Variants in API5 observed in about 807,000 individuals in gnomAD.
API5 encodes the protein FIF.
In API5, 6 loss-of-function variants were observed where a neutral mutation model predicts 71.9. The observed-to-expected ratio is 0.08, with a 90% CI of 0.05 to 0.16. The LOEUF (loss-of-function observed/expected upper bound fraction) is 0.16, where lower values mean the gene tolerates loss of function less well. API5 is among the 10% of genes least tolerant of loss of function. API5 has a pLI of 1.00. For synonymous variants in API5, 189 were observed against 221.3 expected (o/e 0.85, Z 1.30); for missense variants, 332 against 612.8 (o/e 0.54, Z 4.84).
At chr11:43,338,923 C>T (rs1272716986) in intron 13 of API5, among the ~76,000 whole-genome samples, 1 of 152,056 alleles carries the variant, frequency 6.6e-6, no homozygotes, top group Non-Finnish European at 1.5e-5. Context: ...TCTAAACAGT[C>T]AAAAATGCAG....
chr11:43,342,012 G>A (rs553674883), intron 13 of API5, among the ~76,000 whole-genome samples: 4 of 152,154 alleles, frequency 2.6e-5, no homozygotes, highest in Non-Finnish European at 4.4e-5. Context: ...AAACATGGTG[G>A]TGTGCATCTG....
At chr11:43,320,413 T>C (rs1453737772) in intron 2 of API5, among the ~76,000 whole-genome samples, 2 of 152,044 alleles carry the variant, frequency 1.3e-5, no homozygotes, top group Non-Finnish European at 1.5e-5. Flanking sequence ...CGTATGCCCC[T>C]AATGATGGCT....
At chr11:43,342,049 G>A (rs1202026738) in intron 13 of API5, among the ~76,000 whole-genome samples, 1 of 151,936 alleles carries the variant, frequency 6.6e-6, no homozygotes, top group Non-Finnish European at 1.5e-5. Context: ...GGAGTCTGAG[G>A]CAGAAAGATC....
Position 43,344,028 on chromosome 11 carries a change from C to T in API5, c.*1518C>T, listed in dbSNP as rs1337213820. The stretch of plus-strand genomic sequence containing the variant: ...ATACAAGTGAGCAAAAGTTGGTCAG[C>T]TTGGCTATGGAGTGGTGGCAATAAT... On this transcript the variant is annotated 3_prime_UTR_variant, in exon 14 of 14. Transcript: ENST00000531273. 2 of 152,572 alleles carry T rather than the reference C, an allele frequency of 1.3e-5. No homozygotes were observed. The highest frequency in any genetic ancestry group is 4.8e-5 in the African/African-American group (2 of 41,438). The allele number at this position is 152,572 out of a possible 1,614,324, so 9.5% of individuals were successfully genotyped here. A position where few individuals can be genotyped will look rare whatever the true frequency, so the allele number is the denominator to read the frequency against.
rs191856666 is a variant in API5, at chr11:43,320,351, G to A, written c.232-470G>A. Among the ~76,000 whole-genome samples, 3 of 152,034 alleles carry A rather than the reference G, an allele frequency of 2.0e-5. No individual in the cohort carries two copies. In the East Asian group the frequency reaches 5.8e-4, roughly 29 times the overall value. On this transcript the variant is annotated intron_variant, in intron 2 of 13. Coordinates refer to ENST00000531273, the MANE Select transcript of API5 (RefSeq NM_001142930.2). ...GAGCCACCACGCCCGGCCAATTGGA[G>A]CAAATTCTTTTTAAAACTGCTAGAA...
At position 43,314,100 on chromosome 11, in the gene API5, TA is replaced by T. The variant is rs546774601; in HGVS notation, c.69+1917del. Among the ~76,000 whole-genome samples, 370 of 141,170 alleles carry T rather than the reference TA, an allele frequency of 2.6e-3. 1 individual carries two copies. The highest frequency in any genetic ancestry group is 0.016 in the South Asian group (72 of 4,412). 92.6% of individuals were successfully genotyped at this position (141,170 alleles called of 152,430 possible). A position where few individuals can be genotyped will look rare whatever the true frequency, so the allele number is the denominator to read the frequency against. ...CAAGACTCCATCTCAAACAAAAAAT[TA>T]AAAAAAAAAAAAGATACAAACTATG... On this transcript the variant is annotated intron_variant, in intron 1 of 13. Coordinates refer to ENST00000531273, the MANE Select transcript of API5 (RefSeq NM_001142930.2).
Position 43,326,431 on chromosome 11 carries a change from A to G in API5, c.751-76A>G, listed in dbSNP as rs1308238589. ...CTTGATGCTGTAGCGCTCAGCATTT[A>G]TTGAATGAAATTCTGCTATAATATT... is the stretch of plus-strand genomic sequence containing the variant. On this transcript the variant is annotated intron_variant, in intron 6 of 13. Transcript: ENST00000531273. 20 of 943,848 alleles carry G rather than the reference A, an allele frequency of 2.1e-5. 1 individual carries two copies. The highest frequency in any genetic ancestry group is 8.1e-5 in the African/African-American group (5 of 61,768). The allele number at this position is 943,848 out of a possible 1,614,324, so 58.5% of individuals were successfully genotyped here. A position where few individuals can be genotyped will look rare whatever the true frequency, so the allele number is the denominator to read the frequency against.
chr11:43,327,558 C>T (rs1371571977), intron 7 of API5, among the ~76,000 whole-genome samples: 1 of 152,120 alleles, frequency 6.6e-6, no homozygotes, highest in Non-Finnish European at 1.5e-5. Flanking sequence ...TAGGGTCTGC[C>T]CTGCCACTTA....
chr11:43,312,505 G>C (rs929837184), intron 1 of API5, among the ~76,000 whole-genome samples: 1 of 152,076 alleles, frequency 6.6e-6, no homozygotes, highest in African/African-American at 2.4e-5. Context: ...TTCTCTACAG[G>C]ATTCTCTTAA....
At chr11:43,319,099 A>C in intron 2 of API5, 1 of 293,452 alleles carries the variant, frequency 3.4e-6, no homozygotes, top group South Asian at 8.9e-5. Context: ...TTCATTGTGC[A>C]TATGAAATTA....
At chr11:43,319,971 G>A (rs545766782) in intron 2 of API5, among the ~76,000 whole-genome samples, 25 of 151,810 alleles carry the variant, frequency 1.6e-4, no homozygotes, top group South Asian at 1.5e-3. Flanking sequence ...CTCCTTCAGC[G>A]AGACATTGTT....
chr11:43,319,200 G>T (rs904865208), intron 2 of API5, among the ~76,000 whole-genome samples: 2 of 151,962 alleles, frequency 1.3e-5, no homozygotes, highest in African/African-American at 4.8e-5. Flanking sequence ...TATATATTTT[G>T]CATGGCAGAA....
At chr11:43,329,893 G>A (rs1436956287) in intron 9 of API5, 72 bp from the exon 10 acceptor site, 3 of 1,226,204 alleles carry the variant, frequency 2.4e-6, no homozygotes, top group African/African-American at 3.0e-5. Context: ...TCATTTTGCT[G>A]TAGTATAAGA....
intron 8 of API5, among the ~76,000 whole-genome samples, 160 bp from the exon 9 acceptor site, chr11:43,328,552 A>G (rs1490851277): frequency 1.3e-5 from 2 of 152,204 alleles, no homozygotes; most frequent in African/African-American, 4.8e-5. Context: ...TTGACAGGCT[A>G]GAGCATTGAT....
chr11:43,342,382 C>T (rs763884682), intron 13 of API5, 46 bp from the exon 14 acceptor site: 17 of 1,508,336 alleles, frequency 1.1e-5, no homozygotes, highest in African/African-American at 2.8e-5. Context: ...TTTGCTGCAC[C>T]ATGAAATCCT....
At chr11:43,328,658 T>C (rs1161498694) in intron 8 of API5, 54 bp from the exon 9 acceptor site, 2 of 1,484,924 alleles carry the variant, frequency 1.3e-6, no homozygotes, top group African/African-American at 2.8e-5. Context: ...AATATCTGTT[T>C]ATAATTTGAA....
Position 43,343,749 on chromosome 11 carries a change from A to G in API5, c.*1239A>G, listed in dbSNP as rs1855697341. 6.6e-6 allele frequency: 1 copy of G among 152,640 alleles called. No individual in the cohort carries two copies. The highest frequency in any genetic ancestry group is 2.4e-5 in the African/African-American group (1 of 41,456). 9.5% of individuals were successfully genotyped at this position (152,640 alleles called of 1,614,324 possible). Reference sequence around the variant, plus strand: ...ATGTCATGGGCATTTTTAGTAGGATAGACCCTTTGTTCTGCATTTGAATGT... The same window carrying G: ...ATGTCATGGGCATTTTTAGTAGGATGGACCCTTTGTTCTGCATTTGAATGT... On this transcript the variant is annotated 3_prime_UTR_variant, in exon 14 of 14. Coordinates refer to ENST00000531273, the MANE Select transcript of API5 (RefSeq NM_001142930.2).
At chr11:43,333,550 A>C (rs1270023341) in intron 11 of API5, among the ~76,000 whole-genome samples, 1 of 152,182 alleles carries the variant, frequency 6.6e-6, no homozygotes, top group Non-Finnish European at 1.5e-5. Flanking sequence ...ACATTAATAC[A>C]GATAGATTAC....
chr11:43,312,082 G>A lies in API5; in HGVS notation c.-46G>A. ...AAGTTCCGAGGCGGCGGTGGCGCCGGTCAGGACAAGGATAGCGGAACCGGG... is the reference window on the plus strand; with the variant it reads ...AAGTTCCGAGGCGGCGGTGGCGCCGATCAGGACAAGGATAGCGGAACCGGG... On this transcript the variant is annotated 5_prime_UTR_variant, in exon 1 of 14. Transcript: ENST00000531273. 6.2e-7 allele frequency: 1 copy of A among 1,607,190 alleles called. No homozygotes were observed. The highest frequency in any genetic ancestry group is 1.7e-5 in the Admixed American group (1 of 59,826).
Sources: allele counts gnomAD v4.1 joint callset (sites outside exome capture counted in the v4.1 genomes callset), GRCh38; gene constraint gnomAD v4.1.1; transcripts MANE v1.5; gene names NCBI Gene and HGNC (gene_info 2026-07-23, HGNC 2026-07-21).